CTNNA2: variants seen among roughly 807,000 people sequenced by gnomAD.
CTNNA2 encodes the protein catenin alpha-2.
A neutral mutation model predicts 101.0 loss-of-function variants in CTNNA2; 42 were observed. The ratio of observed to expected loss-of-function variants is 0.42; its 90% CI spans 0.32 to 0.54. The LOEUF (loss-of-function observed/expected upper bound fraction) is 0.54. Ranked by LOEUF, CTNNA2 falls within the 20% of genes least tolerant of loss-of-function variation. CTNNA2 has a pLI of 0.14. For missense variants in CTNNA2, 871 were observed against 1,223.1 expected, an observed-to-expected ratio of 0.71 and a Z score of 4.29; for synonymous variants, 450 against 456.4, an observed-to-expected ratio of 0.99 and a Z score of 0.18.
chr2:80,001,499 A>G (rs1349189762), intron 7 of CTNNA2, among the ~76,000 whole-genome samples: 2 of 152,226 alleles, frequency 1.3e-5, no homozygotes, highest in Non-Finnish European at 2.9e-5. Flanking sequence ...ATATGTGTGC[A>G]TATATGTACC....
chr2:80,097,492 G>A (rs1418488330), intron 7 of CTNNA2, among the ~76,000 whole-genome samples: 1 of 152,112 alleles, frequency 6.6e-6, no homozygotes, highest in Non-Finnish European at 1.5e-5. Context: ...TCTTGGAGTT[G>A]CTCTTCTCGA....
At chr2:80,439,212 T>C (rs556040264) in intron 9 of CTNNA2, among the ~76,000 whole-genome samples, 50 of 152,268 alleles carry the variant, frequency 3.3e-4, no homozygotes, top group African/African-American at 1.1e-3. Context: ...ATCTATTACA[T>C]ACAGCAATTT....
chr2:79,518,071 G>A (rs780081664), intron 1 of CTNNA2, among the ~76,000 whole-genome samples: 14 of 152,116 alleles, frequency 9.2e-5, no homozygotes, highest in African/African-American at 3.1e-4. Context: ...TTTTTGCTGC[G>A]ATGTCTACTA....
chr2:79,585,591 G>A (rs1003640865), intron 1 of CTNNA2, among the ~76,000 whole-genome samples: 21 of 152,122 alleles, frequency 1.4e-4, no homozygotes, highest in African/African-American at 4.6e-4. Flanking sequence ...ACAACAAAAG[G>A]CTTTTTTACA....
chr2:79,956,323 A>T (rs1046112359), intron 7 of CTNNA2, among the ~76,000 whole-genome samples: 5 of 152,108 alleles, frequency 3.3e-5, no homozygotes, highest in Admixed American at 6.5e-5. Context: ...TTTCCTTTTA[A>T]CAGAATACTT....
intron 7 of CTNNA2, among the ~76,000 whole-genome samples, chr2:80,227,863 T>G (rs1406873056): frequency 6.6e-6 from 1 of 152,006 alleles, no homozygotes; most frequent in East Asian, 1.9e-4. Flanking sequence ...AAAAAACAAC[T>G]ATTAAAGGAC....
rs141108466 is a variant in CTNNA2 at position 79,911,011 on chromosome 2, C to T, written c.1056+1214C>T. 3.3e-3 allele frequency among the ~76,000 whole-genome samples: 501 copies of T among 152,246 alleles called. 2 individuals carry two copies. Among genetic ancestry groups the T allele is most frequent in the South Asian group, 0.016 (78 of 4,820 alleles). On this transcript the variant is annotated intron_variant, in intron 7 of 18. Coordinates refer to ENST00000402739, the MANE Select transcript of CTNNA2 (RefSeq NM_001282597.3). Reference sequence around the variant, plus strand: ...GATTCTTTGATTTTGGAAGACTTGGCCTTTTTCAGCACACAAAGAATAAAA... The same window carrying T: ...GATTCTTTGATTTTGGAAGACTTGGTCTTTTTCAGCACACAAAGAATAAAA...
At chr2:79,972,364 C>G (rs2104574866) in intron 7 of CTNNA2, among the ~76,000 whole-genome samples, 1 of 152,258 alleles carries the variant, frequency 6.6e-6, no homozygotes, top group East Asian at 1.9e-4. Flanking sequence ...ATCAAAATGA[C>G]AAGCAAGAGT....
At chr2:79,521,378 G>A (rs1021955990) in intron 1 of CTNNA2, among the ~76,000 whole-genome samples, 5 of 151,794 alleles carry the variant, frequency 3.3e-5, no homozygotes, top group Admixed American at 2.0e-4. Context: ...CTAGCACACC[G>A]TCATGCAGCA....
chr2:79,883,532 A>T (rs1377160875), intron 6 of CTNNA2, among the ~76,000 whole-genome samples: 8 of 152,222 alleles, frequency 5.3e-5, no homozygotes, highest in African/African-American at 1.9e-4. Context: ...GCAGCTTGAG[A>T]TGGTCAATTT....
intron 7 of CTNNA2, among the ~76,000 whole-genome samples, chr2:80,167,344 T>C (rs1704768696): frequency 6.6e-6 from 1 of 152,210 alleles, no homozygotes. Flanking sequence ...TATACAAGGT[T>C]ATTTTATCAA....
chr2:80,546,564 G>A (rs1692083159), intron 11 of CTNNA2, among the ~76,000 whole-genome samples: 1 of 152,188 alleles, frequency 6.6e-6, no homozygotes, highest in South Asian at 2.1e-4. Context: ...TAGCTATCAA[G>A]GCTTTGAGCA....
chr2:80,178,946 C>A (rs542958908), intron 7 of CTNNA2, among the ~76,000 whole-genome samples: 38 of 152,266 alleles, frequency 2.5e-4, no homozygotes, highest in Admixed American at 3.9e-4. Context: ...CTCACTGGAT[C>A]CAATCAGCGT....
intron 4 of CTNNA2, among the ~76,000 whole-genome samples, chr2:79,489,430 A>G (rs758090964): frequency 1.3e-5 from 2 of 152,198 alleles, no homozygotes; most frequent in African/African-American, 4.8e-5. Flanking sequence ...GAGGAAAGGT[A>G]TATTTACACA....
At chr2:79,752,855 A>G (rs1672133925) in intron 3 of CTNNA2, among the ~76,000 whole-genome samples, 1 of 152,210 alleles carries the variant, frequency 6.6e-6, no homozygotes, top group Non-Finnish European at 1.5e-5. Context: ...ATATATGAAG[A>G]GAAGGAGCCA....
intron 7 of CTNNA2, among the ~76,000 whole-genome samples, chr2:80,238,031 T>C (rs942481510): frequency 1.3e-5 from 2 of 152,120 alleles, no homozygotes; most frequent in Admixed American, 6.5e-5. Flanking sequence ...CATTTAGGTA[T>C]CTGTGCCGTC....
At chr2:79,247,374 G>C (rs77408984) in intron 2 of CTNNA2, among the ~76,000 whole-genome samples, 1 of 152,214 alleles carries the variant, frequency 6.6e-6, no homozygotes, top group Non-Finnish European at 1.5e-5. Flanking sequence ...TGAAGAGCTT[G>C]AAAGTACCAC....
chr2:79,207,323 G>C (rs1014908028), intron 2 of CTNNA2, among the ~76,000 whole-genome samples: 5 of 152,084 alleles, frequency 3.3e-5, no homozygotes, highest in African/African-American at 1.2e-4. Context: ...GTTTCACCTA[G>C]GTAGTCCAGT....
intron 1 of CTNNA2, among the ~76,000 whole-genome samples, chr2:79,530,493 T>C (rs757589240): frequency 6.3e-5 from 9 of 141,854 alleles, no homozygotes; most frequent in Non-Finnish European, 1.2e-4. Flanking sequence ...GCCTCACTGG[T>C]TGATTTTTTT....
Sources: allele counts gnomAD v4.1 joint callset (sites outside exome capture counted in the v4.1 genomes callset), GRCh38; gene constraint gnomAD v4.1.1; transcripts MANE v1.5; gene names NCBI Gene and HGNC (gene_info 2026-07-23, HGNC 2026-07-21).